ASIC2: variants seen among roughly 807,000 people sequenced by gnomAD.
ASIC2 encodes acid-sensing ion channel 2.
In ASIC2, 25 loss-of-function variants were observed where a neutral mutation model predicts 57.3. That is an observed-to-expected ratio of 0.44 (90% CI 0.32 to 0.61). ASIC2 has a LOEUF of 0.61. Among genes scored for constraint, ASIC2 ranks in the 20% least tolerant of loss-of-function variants. The pLI is 0.06. For missense variants in ASIC2, 641 were observed against 738.1 expected (o/e 0.87, Z 1.52); for synonymous variants, 319 against 307.5 (o/e 1.04, Z -0.39).
chr17:34,021,962 C>T (rs1453732443), intron 1 of ASIC2, among the ~76,000 whole-genome samples: 2 of 151,758 alleles, frequency 1.3e-5, no homozygotes, highest in South Asian at 2.1e-4. Context: ...CTCAGCCTCC[C>T]GAGTAGCTGG....
At chr17:34,025,508 C>T (rs1437594117) in intron 1 of ASIC2, among the ~76,000 whole-genome samples, 1 of 152,200 alleles carries the variant, frequency 6.6e-6, no homozygotes, top group Non-Finnish European at 1.5e-5. Flanking sequence ...TAAGTCCCAC[C>T]TAGCACCTCA....
intron 1 of ASIC2, among the ~76,000 whole-genome samples, chr17:33,482,747 A>G (rs1179193134): frequency 6.6e-6 from 1 of 151,984 alleles, no homozygotes; most frequent in Non-Finnish European, 1.5e-5. Context: ...TCCTTTTCCC[A>G]CACTACCCCA....
intron 1 of ASIC2, among the ~76,000 whole-genome samples, chr17:33,646,910 AG>A (rs1906758911): frequency 6.6e-6 from 1 of 151,940 alleles, no homozygotes; most frequent in South Asian, 2.1e-4. Context: ...TGAATGGCGC[AG>A]GGGGCAGAGC....
intron 1 of ASIC2, among the ~76,000 whole-genome samples, chr17:33,329,859 T>A (rs937413906): frequency 4.6e-5 from 7 of 152,118 alleles, no homozygotes; most frequent in Admixed American, 1.3e-4. Flanking sequence ...GGTCATTGGA[T>A]CTGTTCTTTT....
chr17:33,834,603 T>G (rs1227828512), intron 1 of ASIC2: 1 of 152,200 alleles, frequency 6.6e-6, no homozygotes, highest in Non-Finnish European at 1.5e-5. Flanking sequence ...AGGTTTAACA[T>G]GGAAGAAGGG....
intron 1 of ASIC2, among the ~76,000 whole-genome samples, chr17:33,190,249 C>G (rs570134795): frequency 6.6e-6 from 1 of 151,966 alleles, no homozygotes; most frequent in Non-Finnish European, 1.5e-5. Context: ...AATGGGTTCA[C>G]TATATAAACG....
At chr17:33,154,346 C>T (rs1325112530) in intron 1 of ASIC2, among the ~76,000 whole-genome samples, 1 of 152,204 alleles carries the variant, frequency 6.6e-6, no homozygotes, top group Admixed American at 6.5e-5. Context: ...CCATGTTATG[C>T]TGTGTCTATA....
chr17:33,292,602 C>T lies in ASIC2; in HGVS notation c.-487G>A, dbSNP rs979607086. 2.8e-5 allele frequency: 28 copies of T among 985,626 alleles called. No individual in the cohort carries two copies. In the African/African-American group the frequency reaches 4.5e-4, roughly 16 times the overall value. 61.1% of individuals were successfully genotyped at this position (985,626 alleles called of 1,614,324 possible). On this transcript the variant is annotated 5_prime_UTR_variant, in exon 1 of 10. Coordinates refer to ENST00000225823, the MANE Select transcript of ASIC2 (RefSeq NM_183377.2). Reference sequence around the variant, plus strand: ...CCACCATGCCTGATCTGGACATCCCCAGGGACCCCACCAGCCCGGCCCGTA... The same window carrying T: ...CCACCATGCCTGATCTGGACATCCCTAGGGACCCCACCAGCCCGGCCCGTA...
At chr17:33,652,261 A>G (rs79728355) in intron 1 of ASIC2, among the ~76,000 whole-genome samples, 2,226 of 152,326 alleles carry the variant, frequency 0.015, 21 homozygotes, top group Admixed American at 0.022. Flanking sequence ...CAGGAGAGAC[A>G]GGAGGTCTAA....
At chr17:33,674,572 G>C (rs1179621725) in intron 1 of ASIC2, among the ~76,000 whole-genome samples, 1 of 152,210 alleles carries the variant, frequency 6.6e-6, no homozygotes. Flanking sequence ...TAAGTCTTGT[G>C]TCCCTATGAA....
intron 1 of ASIC2, among the ~76,000 whole-genome samples, chr17:33,942,740 C>T (rs901846882): frequency 7.2e-5 from 11 of 152,172 alleles, no homozygotes; most frequent in African/African-American, 2.7e-4. Context: ...GTTGCTAAGA[C>T]ATGGTTTAAG....
chr17:33,932,993 G>A (rs1012712660), intron 1 of ASIC2, among the ~76,000 whole-genome samples: 2 of 152,000 alleles, frequency 1.3e-5, no homozygotes, highest in African/African-American at 4.8e-5. Context: ...TCTAAATTTT[G>A]ATTCCTTCTG....
chr17:33,502,178 C>A (rs1914120268), intron 1 of ASIC2, among the ~76,000 whole-genome samples: 2 of 152,054 alleles, frequency 1.3e-5, no homozygotes, highest in South Asian at 4.1e-4. Context: ...GCAGTTGACA[C>A]TATGTGGACA....
intron 3 of ASIC2, among the ~76,000 whole-genome samples, chr17:33,066,275 T>C (rs1254453610): frequency 6.6e-6 from 1 of 152,202 alleles, no homozygotes; most frequent in Non-Finnish European, 1.5e-5. Context: ...TTTTAAAAAC[T>C]GTGATACCTG....
In ASIC2 at chr17:33,414,241, G is replaced by A. The variant is rs115247041; in HGVS notation, c.556-302174C>T. Among the ~76,000 whole-genome samples the A allele has an allele frequency of 4.2e-3, 644 of 152,292 alleles. 3 individuals are homozygous for A. The highest frequency in any genetic ancestry group is 6.8e-3 in the African/African-American group (284 of 41,550). ...CAGGAGGCTGCACCCAAAGAGGAGG[G>A]GAGAGTGGAAGAGGTTAGACCATGC... On this transcript the variant is annotated intron_variant, in intron 1 of 9. Coordinates refer to the ASIC2 transcript ENST00000359872.
upstream of ASIC2, among the ~76,000 whole-genome samples, chr17:33,294,486 C>A (rs1399449390): frequency 1.3e-5 from 2 of 151,978 alleles, no homozygotes; most frequent in African/African-American, 2.4e-5. Context: ...CCCCACTGAC[C>A]TGAGGGCACC....
intron 1 of ASIC2, among the ~76,000 whole-genome samples, chr17:34,139,375 G>T (rs1912209677): frequency 6.6e-6 from 1 of 152,148 alleles, no homozygotes; most frequent in African/African-American, 2.4e-5. Context: ...TCATATGTGG[G>T]ATCATTGTAT....
At chr17:33,656,716 C>T (rs930682572) in intron 1 of ASIC2, among the ~76,000 whole-genome samples, 1 of 152,114 alleles carries the variant, frequency 6.6e-6, no homozygotes, top group African/African-American at 2.4e-5. Flanking sequence ...TTCATAACAC[C>T]CCATGTTCCC....
chr17:33,554,139 C>G (rs898278875), intron 1 of ASIC2, among the ~76,000 whole-genome samples: 1 of 152,152 alleles, frequency 6.6e-6, no homozygotes, highest in African/African-American at 2.4e-5. Flanking sequence ...GCAAATTGGT[C>G]GGTGATGTTT....
Sources: gnomAD v4.1 joint callset for allele counts (sites outside exome capture counted in the v4.1 genomes callset) on GRCh38, gnomAD v4.1.1 for gene constraint, MANE v1.5 for transcripts, NCBI Gene and HGNC (gene_info 2026-07-23, HGNC 2026-07-21) for gene names.